Variants in ALKAL1 observed in about 807,000 individuals in gnomAD.
ALKAL1 encodes the protein ALK and LTK ligand 1.
Under a neutral mutation model 13.5 loss-of-function variants are expected in ALKAL1, and 23 were observed. The observed-to-expected ratio is 1.70, with a 90% CI of 1.23 to 2.41. The LOEUF (loss-of-function observed/expected upper bound fraction) is 2.41, where lower values mean the gene tolerates loss of function less well. Among genes scored for constraint, ALKAL1 ranks in the 30% most tolerant of loss-of-function variants. The pLI, the probability that ALKAL1 is intolerant of heterozygous loss-of-function variation, is 0.00. For missense variants in ALKAL1, 181 were observed against 178.4 expected (o/e 1.01, Z -0.08); for synonymous variants, 85 against 77.7 (o/e 1.09, Z -0.49).
chr8:52,543,622 A>G lies in ALKAL1; in HGVS notation c.191-1177T>C, dbSNP rs369876072. ...ACAATTAAAACTAATCCTGAAAAAC[A>G]AAGCAGCAGTAAAATGAAAGTACTT... is the stretch of plus-strand genomic sequence containing the variant. On this transcript the variant is annotated intron_variant, in intron 1 of 4. Transcript: ENST00000358543. Among the ~76,000 whole-genome samples, 81 of 152,350 alleles carry G rather than the reference A, an allele frequency of 5.3e-4. 2 individuals are homozygous for G. In the East Asian group the frequency reaches 0.015, roughly 28 times the overall value.
chr8:52,539,835 T>C lies in ALKAL1; in HGVS notation c.321A>G (p.Pro107=), dbSNP rs747856053. 1.2e-6 allele frequency: 2 copies of C among 1,604,020 alleles called. No individual in the cohort carries two copies. Among genetic ancestry groups the C allele is most frequent in the Non-Finnish European group, 1.7e-6 (2 of 1,175,914 alleles). Residue 107 remains proline (P), a synonymous_variant, in exon 3 of 5, where the codon CCA becomes CCG. Transcript: ENST00000358543. ...LYYNTRECST[P]AYYKRCARLL... is the part of the protein sequence containing the mutation. ...AAACCCACCCAAGTTACTTACAAGC[T>C]GGCGTTGAGCACTCCCTGGTATTGT...
At chr8:52,558,477 G>A (rs558217426) in intron 1 of ALKAL1, among the ~76,000 whole-genome samples, 48 of 151,482 alleles carry the variant, frequency 3.2e-4, no homozygotes, top group Non-Finnish European at 4.1e-4. Flanking sequence ...AAATAACAGT[G>A]TGCCTATTTG....
Position 52,546,452 on chromosome 8 carries a change from GCCT to G in ALKAL1, c.191-4010_191-4008del, listed in dbSNP as rs562397836. On this transcript the variant is annotated intron_variant, in intron 1 of 4. Coordinates refer to ENST00000358543, the MANE Select transcript of ALKAL1 (RefSeq NM_207413.4). ...AGGAATAATAGCTCCTTACTCCAAA[GCCT>G]CCTATCAACTATTAGTTCTCATACT... Among the ~76,000 whole-genome samples, 8 of 152,284 alleles carry G rather than the reference GCCT, an allele frequency of 5.3e-5. No individual in the cohort carries two copies. In the East Asian group the frequency reaches 1.4e-3, roughly 26 times the overall value.
chr8:52,534,681 T>C (rs1847250131), intron 4 of ALKAL1, 81 bp from the exon 5 acceptor site: 1 of 490,136 alleles, frequency 2.0e-6, no homozygotes, highest in African/African-American at 2.0e-5. Flanking sequence ...TCAACAGTTT[T>C]ATTTTGCTTA....
chr8:52,565,236 G>A lies in ALKAL1; in HGVS notation c.21C>T (p.Gly7=). 7.6e-7 allele frequency: 1 copy of A among 1,322,554 alleles called. No individual in the cohort carries two copies. The highest frequency in any genetic ancestry group is 9.7e-7 in the Non-Finnish European group (1 of 1,029,188). 81.9% of individuals were successfully genotyped at this position (1,322,554 alleles called of 1,614,324 possible). MRPLKP[G]APLPALFLLA... ...GCAGGAAGAGTGCGGGCAAAGGGGCGCCGGGCTTAAGGGGCCGCATGTTCG... is the reference window on the plus strand; with the variant it reads ...GCAGGAAGAGTGCGGGCAAAGGGGCACCGGGCTTAAGGGGCCGCATGTTCG... The change falls in exon 1 of 5, where the codon GGC becomes GGT. Residue 7 remains glycine, a synonymous_variant. Coordinates refer to ENST00000358543, the MANE Select transcript of ALKAL1 (RefSeq NM_207413.4).
intron 1 of ALKAL1, among the ~76,000 whole-genome samples, chr8:52,555,119 C>T (rs1324700628): frequency 2.7e-5 from 4 of 150,104 alleles, no homozygotes; most frequent in Non-Finnish European, 5.9e-5. Flanking sequence ...TGCAGTGAGC[C>T]GAGATTGCGC....
rs1046268820 is a variant in ALKAL1, at chr8:52,565,342, C to A, written c.-86G>T. 9.2e-7 allele frequency: 1 copy of A among 1,086,760 alleles called. No homozygotes were observed. Among genetic ancestry groups the A allele is most frequent in the Middle Eastern group, 3.3e-4 (1 of 3,040 alleles). The allele number at this position is 1,086,760 out of a possible 1,614,324, so 67.3% of individuals were successfully genotyped here. A position where few individuals can be genotyped will look rare whatever the true frequency, so the allele number is the denominator to read the frequency against. ...GGTGCGCGGCCCAAGAGAAGGCCAG[C>A]GGGACCACAGCGCGGCTACGCGGCC... On this transcript the variant is annotated 5_prime_UTR_variant, in exon 1 of 5. Transcript: ENST00000358543.
intron 1 of ALKAL1, among the ~76,000 whole-genome samples, chr8:52,561,705 T>C (rs912021137): frequency 2.6e-5 from 4 of 152,204 alleles, no homozygotes; most frequent in African/African-American, 9.6e-5. Flanking sequence ...TTAAGCACGT[T>C]GATTTGCCAT....
chr8:52,538,430 CAG>C lies in ALKAL1; in HGVS notation c.*11_*12del, dbSNP rs781644301. 3.2e-6 allele frequency: 5 copies of C among 1,544,522 alleles called. No individual in the cohort carries two copies. The highest frequency in any genetic ancestry group is 4.5e-6 in the Non-Finnish European group (5 of 1,120,496). ...GATAAGAAAAATAAATATATACTCACAGGGTAGTTTTGCTAGGTCTGGGAGCA... is the reference window on the plus strand; with the variant it reads ...GATAAGAAAAATAAATATATACTCACGGTAGTTTTGCTAGGTCTGGGAGCA... On this transcript the variant is annotated splice_region_variant and 3_prime_UTR_variant, in exon 4 of 5. Transcript: ENST00000358543.
chr8:52,550,613 G>T (rs1197735044), intron 1 of ALKAL1, among the ~76,000 whole-genome samples: 2 of 152,274 alleles, frequency 1.3e-5, no homozygotes, highest in East Asian at 3.9e-4. Flanking sequence ...AGTTCTGGAG[G>T]CAAGAAGTCT....
intron 1 of ALKAL1, among the ~76,000 whole-genome samples, chr8:52,561,583 A>G (rs1847551097): frequency 6.6e-6 from 1 of 152,202 alleles, no homozygotes; most frequent in South Asian, 2.1e-4. Flanking sequence ...GAGGTGGCAC[A>G]AAAGGACTTG....
intron 1 of ALKAL1, among the ~76,000 whole-genome samples, chr8:52,555,537 A>T (rs1243291300): frequency 6.6e-6 from 1 of 152,168 alleles, no homozygotes; most frequent in Non-Finnish European, 1.5e-5. Context: ...AAGGTAAAGA[A>T]ACAGTGCAAG....
rs949091112 is a variant in ALKAL1 at position 52,564,041 on chromosome 8, A to T, written c.190+1026T>A. Among the ~76,000 whole-genome samples the T allele has an allele frequency of 2.0e-5, 3 of 152,354 alleles. No homozygotes were observed. The East Asian group carries it at 5.8e-4, about 29-fold the overall frequency. On this transcript the variant is annotated intron_variant, in intron 1 of 4. Transcript: ENST00000358543. Reference sequence around the variant, plus strand: ...TTGTGAAAGAAAAATCATACTAAGAAGCCCTTGTTTGCTTTCTTAGCCATA... The same window carrying T: ...TTGTGAAAGAAAAATCATACTAAGATGCCCTTGTTTGCTTTCTTAGCCATA...
intron 1 of ALKAL1, among the ~76,000 whole-genome samples, chr8:52,563,380 G>T (rs1259696058): frequency 3.9e-5 from 6 of 152,126 alleles, no homozygotes; most frequent in Non-Finnish European, 7.4e-5. Flanking sequence ...GCAATGAGCC[G>T]AGATCACGCC....
At chr8:52,539,241 G>A (rs1034927609) in intron 3 of ALKAL1, among the ~76,000 whole-genome samples, 6 of 152,168 alleles carry the variant, frequency 3.9e-5, no homozygotes, top group Non-Finnish European at 8.8e-5. Flanking sequence ...TTGAGGCTTA[G>A]AAAGGAATTT....
At chr8:52,549,309 T>C (rs1021105707) in intron 1 of ALKAL1, among the ~76,000 whole-genome samples, 4 of 152,028 alleles carry the variant, frequency 2.6e-5, no homozygotes, top group African/African-American at 9.7e-5. Context: ...AACAATTACC[T>C]TTATTACAGC....
At chr8:52,557,053 CAGAT>C (rs1590870103) in intron 1 of ALKAL1, among the ~76,000 whole-genome samples, 2 of 152,170 alleles carry the variant, frequency 1.3e-5, no homozygotes, top group Non-Finnish European at 2.9e-5. Context: ...GTTACACAAA[CAGAT>C]AGTATTCCAA....
chr8:52,563,421 A>G (rs1241212479), intron 1 of ALKAL1, among the ~76,000 whole-genome samples: 1 of 152,134 alleles, frequency 6.6e-6, no homozygotes, highest in Non-Finnish European at 1.5e-5. Flanking sequence ...ACAGGAGCGA[A>G]ACTCCGTCTC....
At chr8:52,539,796 A>C in intron 3 of ALKAL1, 35 bp downstream of exon 3, 1 of 1,289,960 alleles carries the variant, frequency 7.8e-7, no homozygotes. Flanking sequence ...ATTGTTGGAT[A>C]ATTAAAAAAA....
Sources: gnomAD v4.1 joint callset for allele counts (sites outside exome capture counted in the v4.1 genomes callset) on GRCh38, gnomAD v4.1.1 for gene constraint, MANE v1.5 for transcripts, NCBI Gene and HGNC (gene_info 2026-07-23, HGNC 2026-07-21) for gene names.